The following C5orf58 variants were observed in gnomAD, a reference collection of about 807,000 sequenced individuals.
The protein encoded by C5orf58 is putative uncharacterized protein C5orf58.
In C5orf58, 2 loss-of-function variants were observed where a neutral mutation model predicts 2.9. That is an observed-to-expected ratio of 0.69 (90% CI 0.28 to 2.18). The LOEUF (loss-of-function observed/expected upper bound fraction) is 2.18. Among genes scored for constraint, C5orf58 ranks in the 30% most tolerant of loss-of-function variants. C5orf58 has a pLI of 0.13. For missense variants in C5orf58, 96 were observed against 91.7 expected (o/e 1.05, Z -0.19); for synonymous variants, 37 against 33.4 (o/e 1.11, Z -0.37).
At chr5:170,237,369 G>C (rs1036296317) in intron 3 of C5orf58, 47 of 398,096 alleles carry the variant, frequency 1.2e-4, no homozygotes, top group Non-Finnish European at 2.0e-4. Context: ...CTATGAGGTA[G>C]GAACTATTGC....
rs1280057383 is a variant in C5orf58 at position 170,242,680 on chromosome 5, T to G, written c.95-3282T>G. On this transcript the variant is annotated intron_variant, in intron 3 of 3. Coordinates refer to ENST00000593851, the MANE Select transcript of C5orf58 (RefSeq NM_001102609.3). ...GGATTCTTCTCTCTTTTTTTCTTTATTAGTCTTGCTAGCGGTCTATCAATT... is the reference window on the plus strand; with the variant it reads ...GGATTCTTCTCTCTTTTTTTCTTTAGTAGTCTTGCTAGCGGTCTATCAATT... Among the ~76,000 whole-genome samples the G allele has an allele frequency of 8.7e-5, 12 of 137,468 alleles. No individual in the cohort carries two copies. In the East Asian group the frequency reaches 1.9e-3, roughly 22 times the overall value. The allele number at this position is 137,468 out of a possible 152,430, so 90.2% of individuals were successfully genotyped here. A position where few individuals can be genotyped will look rare whatever the true frequency, so the allele number is the denominator to read the frequency against.
intron 2 of C5orf58, chr5:170,251,267 A>C (rs977677454): frequency 5.0e-6 from 1 of 200,388 alleles, no homozygotes; most frequent in East Asian, 1.3e-4. Flanking sequence ...TATTCCTGTG[A>C]GTTAATTCCC....
downstream of C5orf58, chr5:170,247,749 A>G (rs1000708904): frequency 1.3e-5 from 2 of 152,254 alleles, no homozygotes; most frequent in Admixed American, 1.3e-4. Flanking sequence ...CAGAAGAGCC[A>G]TATCTAATAG....
At chr5:170,239,315 C>T (rs1479796959) in intron 3 of C5orf58, among the ~76,000 whole-genome samples, 2 of 150,956 alleles carry the variant, frequency 1.3e-5, no homozygotes. Context: ...AAAATTTTTC[C>T]TGAAGTATAT....
At chr5:170,247,035 T>G (rs892709671), downstream of C5orf58, 2 of 152,198 alleles carry the variant, frequency 1.3e-5, no homozygotes, top group African/African-American at 4.8e-5. Context: ...ATCTATCAGG[T>G]CCTTCATTTT....
chr5:170,238,142 G>A (rs1410764210), intron 3 of C5orf58, among the ~76,000 whole-genome samples: 1 of 152,124 alleles, frequency 6.6e-6, no homozygotes, highest in African/African-American at 2.4e-5. Context: ...ACAGATACTT[G>A]AGGGACAAAT....
intron 3 of C5orf58, among the ~76,000 whole-genome samples, chr5:170,235,756 A>G (rs1007656158): frequency 6.6e-6 from 1 of 152,220 alleles, no homozygotes; most frequent in African/African-American, 2.4e-5. Flanking sequence ...CTGAATATGT[A>G]GTTATTCTTT....
At chr5:170,246,516 T>A (rs1561962960), downstream of C5orf58, 1 of 159,296 alleles carries the variant, frequency 6.3e-6, no homozygotes. Context: ...ATTTCAGGGA[T>A]CCCACTAATT....
chr5:170,245,215 G>C (rs889630048), intron 3 of C5orf58, among the ~76,000 whole-genome samples: 1 of 152,204 alleles, frequency 6.6e-6, no homozygotes, highest in Non-Finnish European at 1.5e-5. Flanking sequence ...AGAGGTTACT[G>C]CTGTCTTTTT....
rs111920961 is a variant in C5orf58 at position 170,237,353 on chromosome 5, A to T, written c.94+2283A>T. ...TCTGCATAAATGAACTCTCTTCATC[A>T]TAATCCTATGAGGTAGGAACTATTG... On this transcript the variant is annotated intron_variant, in intron 3 of 3. Coordinates refer to ENST00000593851, the MANE Select transcript of C5orf58 (RefSeq NM_001102609.3). The T allele has an allele frequency of 3.1e-3, 1,237 of 398,382 alleles. 18 individuals are homozygous for T. The highest frequency in any genetic ancestry group is 0.023 in the African/African-American group (1,097 of 48,744). 24.7% of individuals were successfully genotyped at this position (398,382 alleles called of 1,614,324 possible).
At chr5:170,244,830 T>C (rs1042415245) in intron 3 of C5orf58, among the ~76,000 whole-genome samples, 6 of 152,240 alleles carry the variant, frequency 3.9e-5, no homozygotes, top group Non-Finnish European at 5.9e-5. Flanking sequence ...TGAGGAACTG[T>C]GTTCCTTTGG....
At chr5:170,239,896 T>C (rs1156820952) in intron 3 of C5orf58, among the ~76,000 whole-genome samples, 1 of 152,142 alleles carries the variant, frequency 6.6e-6, no homozygotes, top group African/African-American at 2.4e-5. Context: ...TCTAGCATTA[T>C]GTGTATCTCC....
chr5:170,245,873 G>A (rs74533390), intron 3 of C5orf58, 89 bp from the exon 4 acceptor site: 63,226 of 1,259,862 alleles, frequency 0.05, 1,862 homozygotes, highest in Non-Finnish European at 0.058. Context: ...TGGAAATTAG[G>A]AATTAGGAAG....
chr5:170,245,526 AC>A (rs1561961874), intron 3 of C5orf58, among the ~76,000 whole-genome samples: 14 of 152,064 alleles, frequency 9.2e-5, no homozygotes, highest in Non-Finnish European at 1.5e-5. Flanking sequence ...GGTGGGAGTG[AC>A]CCGATTTTCC....
At chr5:170,249,380 A>ATC (rs150473808), downstream of C5orf58, among the ~76,000 whole-genome samples, 1,964 of 147,886 alleles carry the variant, frequency 0.013, 51 homozygotes, top group African/African-American at 0.044. Flanking sequence ...ATATATATAT[A>ATC]TCTACATATC....
intron 3 of C5orf58, among the ~76,000 whole-genome samples, chr5:170,243,301 G>T (rs1207686147): frequency 7.2e-6 from 1 of 139,698 alleles, no homozygotes; most frequent in Non-Finnish European, 1.6e-5. Flanking sequence ...GGTCCGCTTG[G>T]TGCAGAGCTG....
downstream of C5orf58, chr5:170,247,308 A>G (rs1243175062): frequency 2.0e-5 from 3 of 152,226 alleles, no homozygotes; most frequent in Non-Finnish European, 2.9e-5. Flanking sequence ...TTTGTGAAAC[A>G]CCATTTTTAT....
intron 3 of C5orf58, 91 bp from the exon 4 acceptor site, chr5:170,245,871 A>C: frequency 8.0e-7 from 1 of 1,252,662 alleles, no homozygotes; most frequent in Non-Finnish European, 1.1e-6. Flanking sequence ...CTTGGAAATT[A>C]GGAATTAGGA....
chr5:170,244,554 C>A (rs1761166052), intron 3 of C5orf58, among the ~76,000 whole-genome samples: 1 of 152,190 alleles, frequency 6.6e-6, no homozygotes, highest in African/African-American at 2.4e-5. Context: ...GATACCCTTT[C>A]TTCCAGTTGA....
Sources: allele counts gnomAD v4.1 joint callset (sites outside exome capture counted in the v4.1 genomes callset), GRCh38; gene constraint gnomAD v4.1.1; transcripts MANE v1.5; gene names NCBI Gene and HGNC (gene_info 2026-07-23, HGNC 2026-07-21).